The following BIRC6 variants were observed in gnomAD, a reference collection of about 807,000 sequenced individuals.
The protein encoded by BIRC6 is baculoviral IAP repeat containing 6, also known as dual E2 ubiquitin-conjugating enzyme/E3 ubiquitin-protein ligase BIRC6.
Under a neutral mutation model 503.3 loss-of-function variants are expected in BIRC6, and 98 were observed. The observed-to-expected ratio is 0.19, with a 90% CI of 0.17 to 0.23. BIRC6 has a LOEUF of 0.23. Among genes scored for constraint, BIRC6 ranks in the 10% least tolerant of loss-of-function variants. The probability of loss-of-function intolerance (pLI) is 1.00; values close to 1 mark genes in which losing one functional copy is unlikely to be tolerated. For missense variants in BIRC6, 5,360 were observed against 5,806.0 expected, an observed-to-expected ratio of 0.92 and a Z score of 2.50; for synonymous variants, 2,240 against 2,078.7, an observed-to-expected ratio of 1.08 and a Z score of -2.11.
intron 65 of BIRC6, among the ~76,000 whole-genome samples, chr2:32,571,679 A>C (rs1309908012): frequency 6.6e-6 from 1 of 151,148 alleles, no homozygotes; most frequent in Non-Finnish European, 1.5e-5. Flanking sequence ...AGTTTTGTTT[A>C]TCTTTTCGAA....
intron 31 of BIRC6, among the ~76,000 whole-genome samples, chr2:32,470,637 G>C (rs1453396895): frequency 2.0e-5 from 3 of 151,996 alleles, no homozygotes; most frequent in Non-Finnish European, 4.4e-5. Context: ...CTTTTTTATA[G>C]GAATAAAAAC....
chr2:32,471,330 C>G (rs528072353), intron 32 of BIRC6, among the ~76,000 whole-genome samples: 17 of 152,174 alleles, frequency 1.1e-4, no homozygotes, highest in Non-Finnish European at 1.8e-4. Flanking sequence ...TAGACAAGCT[C>G]CTTTGTCTGG....
At chr2:32,588,988 T>C (rs2061237001) in intron 66 of BIRC6, among the ~76,000 whole-genome samples, 1 of 152,178 alleles carries the variant, frequency 6.6e-6, no homozygotes, top group African/African-American at 2.4e-5. Flanking sequence ...TAGTTTTACT[T>C]TTGAATAAAT....
Position 32,464,734 on chromosome 2 carries a change from G to A in BIRC6, c.5167G>A (p.Glu1723Lys), listed in dbSNP as rs776666613. Reference sequence around the variant, plus strand: ...AGCAGTTTCCGTTGTGATTAATGCCGAACTTGCACAGCTTTTCCCAGGCTC... The same window carrying A: ...AGCAGTTTCCGTTGTGATTAATGCCAAACTTGCACAGCTTTTCCCAGGCTC... ...NEAVSVVINA[E>K]LAQLFPGSVI... is the part of the protein sequence containing the mutation. Residue 1723 changes from glutamate (E) to lysine (K), a missense_variant, in exon 25 of 74, where the codon GAA becomes AAA. This residue lies in a region of BIRC6 where 2,299 missense variants were observed against 2,267.2 expected (regional missense o/e 1.01). Coordinates refer to ENST00000421745, the MANE Select transcript of BIRC6 (RefSeq NM_016252.4). 6 of 1,613,956 alleles carry A rather than the reference G, an allele frequency of 3.7e-6. No individual in the cohort carries two copies. Among genetic ancestry groups the A allele is most frequent in the East Asian group, 2.2e-5 (1 of 44,882 alleles).
Position 32,608,675 on chromosome 2 carries a change from C to A in BIRC6, c.14259+1032C>A, listed in dbSNP as rs369335211. 6.0e-4 allele frequency among the ~76,000 whole-genome samples: 92 copies of A among 152,150 alleles called. No homozygotes were observed. The Middle Eastern group carries it at 0.017, about 28-fold the overall frequency. ...CAGGTGATCCACCTGCCTTGGCCTC[C>A]CAAAGTGCTGGGATTACAAGCGTGA... On this transcript the variant is annotated intron_variant, in intron 72 of 73. Coordinates refer to ENST00000421745, the MANE Select transcript of BIRC6 (RefSeq NM_016252.4).
chr2:32,539,931 A>G (rs1218027477), intron 61 of BIRC6, among the ~76,000 whole-genome samples: 1 of 152,130 alleles, frequency 6.6e-6, no homozygotes, highest in Non-Finnish European at 1.5e-5. Context: ...GGAAAACCAC[A>G]CAAATTGGAC....
chr2:32,406,663 A>G (rs1270846508), intron 9 of BIRC6, 106 bp downstream of exon 9: 4 of 748,880 alleles, frequency 5.3e-6, no homozygotes, highest in Non-Finnish European at 8.7e-6. Context: ...CTAACTCTAA[A>G]TTTTTGCTAG....
chr2:32,552,909 T>A (rs2058521113), intron 65 of BIRC6, among the ~76,000 whole-genome samples: 1 of 149,984 alleles, frequency 6.7e-6, no homozygotes, highest in African/African-American at 2.4e-5. Context: ...TATGTACTTA[T>A]ATGCTTATAT....
intron 20 of BIRC6, among the ~76,000 whole-genome samples, chr2:32,444,049 T>TA (rs1375919585): frequency 1.3e-5 from 2 of 151,070 alleles, no homozygotes; most frequent in African/African-American, 4.9e-5. Flanking sequence ...TTTTTTTTTT[T>TA]AAAGCACCTG....
chr2:32,540,215 A>G (rs1029516486), intron 61 of BIRC6, among the ~76,000 whole-genome samples: 6 of 152,014 alleles, frequency 3.9e-5, no homozygotes, highest in Non-Finnish European at 7.4e-5. Flanking sequence ...TGTTTCTCCA[A>G]TTTAAACTGA....
chr2:32,588,438 G>C (rs1214018394), intron 66 of BIRC6, among the ~76,000 whole-genome samples: 1 of 151,986 alleles, frequency 6.6e-6, no homozygotes, highest in Non-Finnish European at 1.5e-5. Flanking sequence ...AAGATGATTT[G>C]GTATCCACTT....
intron 49 of BIRC6, among the ~76,000 whole-genome samples, chr2:32,504,194 T>G (rs1414093044): frequency 2.6e-5 from 4 of 152,068 alleles, no homozygotes; most frequent in African/African-American, 9.7e-5. Flanking sequence ...CCACTGTGCC[T>G]GGCCTTAAAG....
intron 61 of BIRC6, among the ~76,000 whole-genome samples, chr2:32,535,197 T>TA (rs149435979): frequency 0.019 from 1,283 of 68,768 alleles, 25 homozygotes; most frequent in African/African-American, 0.066. Flanking sequence ...TGAGAGAATA[T>TA]AAAAACCAGC....
rs1357552516 is a variant in BIRC6 at position 32,559,684 on chromosome 2, A to G, written c.13144+10203A>G. On this transcript the variant is annotated intron_variant, in intron 65 of 73. Coordinates refer to ENST00000421745, the MANE Select transcript of BIRC6 (RefSeq NM_016252.4). ...AAATCAGCTCTACATTAGTTTTCCA[A>G]GTTCTCCTCTTGGTTGGGGGGGTCT... 5.3e-5 allele frequency among the ~76,000 whole-genome samples: 8 copies of G among 151,112 alleles called. No individual in the cohort carries two copies. In the East Asian group the frequency reaches 1.4e-3, roughly 26 times the overall value.
In BIRC6 at chr2:32,510,622, G is replaced by A; in HGVS notation, c.10334G>A (p.Gly3445Asp). 2 of 1,587,294 alleles carry A rather than the reference G, an allele frequency of 1.3e-6. No homozygotes were observed. Among genetic ancestry groups the A allele is most frequent in the Non-Finnish European group, 1.7e-6 (2 of 1,156,048 alleles). Residue 3445 changes from glycine (G) to aspartate (D), a missense_variant, in exon 53 of 74, where the codon GGT becomes GAT. Gly to Asp is a moderately conservative substitution (Grantham distance 94). Around this residue, in one of 16 missense-constraint regions of BIRC6, gnomAD observed 878 missense variants for 928.9 expected, o/e 0.95. Transcript: ENST00000421745. The stretch of plus-strand genomic sequence containing the variant: ...CAGCTTGGAACAACTCAGGATCCTG[G>A]TACAAAAGACAGGTACGATTTTATT... ...LYQLGTTQDP[G>D]TKDRIQALLK...
At chr2:32,375,695 G>C (rs1049205353) in intron 1 of BIRC6, among the ~76,000 whole-genome samples, 1 of 150,902 alleles carries the variant, frequency 6.6e-6, no homozygotes, top group Non-Finnish European at 1.5e-5. Flanking sequence ...TACATTTACC[G>C]TATTGATAAG....
intron 32 of BIRC6, among the ~76,000 whole-genome samples, chr2:32,471,901 T>C (rs942647805): frequency 2.0e-5 from 3 of 152,172 alleles, no homozygotes; most frequent in South Asian, 2.1e-4. Flanking sequence ...TGAGATGTTA[T>C]AGTGGAATCA....
At chr2:32,571,707 G>T (rs950921429) in intron 65 of BIRC6, among the ~76,000 whole-genome samples, 1 of 151,998 alleles carries the variant, frequency 6.6e-6, no homozygotes, top group Non-Finnish European at 1.5e-5. Flanking sequence ...TTTTCAGTTT[G>T]CTGATGCTTT....
chr2:32,482,695 A>T, intron 39 of BIRC6, 113 bp downstream of exon 39: 2 of 1,127,524 alleles, frequency 1.8e-6, no homozygotes. Context: ...TGGGTTTAGT[A>T]TCACAGCTGT....
Sources: gnomAD v4.1 joint callset for allele counts (sites outside exome capture counted in the v4.1 genomes callset) on GRCh38, gnomAD v4.1.1 for gene constraint, gnomAD v4.1.1 regional missense constraint, MANE v1.5 for transcripts, NCBI Gene and HGNC (gene_info 2026-07-23, HGNC 2026-07-21) for gene names.